DENND5B: variants seen among roughly 807,000 people sequenced by gnomAD.
DENND5B encodes the protein DENN domain-containing protein 5B.
DENND5B carries 34 observed loss-of-function variants against 140.6 expected under a neutral mutation model. The observed-to-expected ratio is 0.24, with a 90% CI of 0.18 to 0.32. The LOEUF is 0.32. Among genes scored for constraint, DENND5B ranks in the 10% least tolerant of loss-of-function variants. DENND5B has a pLI of 1.00. For missense variants in DENND5B, 1,142 were observed against 1,560.2 expected (o/e 0.73, Z 4.52); for synonymous variants, 551 against 562.1 (o/e 0.98, Z 0.28).
intron 1 of DENND5B, among the ~76,000 whole-genome samples, chr12:31,571,550 C>T (rs926464086): frequency 6.6e-6 from 1 of 151,632 alleles, no homozygotes; most frequent in Admixed American, 6.6e-5. Context: ...AAGTAAACAC[C>T]TGAATTAGAA....
chr12:31,514,822 A>AC (rs1462110855), intron 1 of DENND5B, among the ~76,000 whole-genome samples: 1 of 114,006 alleles, frequency 8.8e-6, no homozygotes, highest in African/African-American at 3.3e-5. Flanking sequence ...ACTCCGTCTC[A>AC]AAAAAAAAAA....
chr12:31,533,441 C>T (rs1801587549), intron 1 of DENND5B, among the ~76,000 whole-genome samples: 1 of 152,086 alleles, frequency 6.6e-6, no homozygotes, highest in African/African-American at 2.4e-5. Flanking sequence ...TGTCACTATC[C>T]ATACTGTTTT....
At chr12:31,571,528 T>C (rs1263182840) in intron 1 of DENND5B, among the ~76,000 whole-genome samples, 1 of 152,208 alleles carries the variant, frequency 6.6e-6, no homozygotes, top group Non-Finnish European at 1.5e-5. Context: ...GGATTTAATT[T>C]CTATCTCTCA....
intron 6 of DENND5B, among the ~76,000 whole-genome samples, chr12:31,443,538 T>C (rs1944140131): frequency 6.6e-6 from 1 of 152,192 alleles, no homozygotes; most frequent in East Asian, 1.9e-4. Context: ...TGAAACAGTT[T>C]CTCTTAAGTA....
rs527979012 is a variant in DENND5B, at chr12:31,490,393, C to A, written c.237+5417G>T. Among the ~76,000 whole-genome samples the A allele has an allele frequency of 1.3e-4, 20 of 152,208 alleles. No homozygotes were observed. The South Asian group carries it at 3.9e-3, about 30-fold the overall frequency. ...CTGAGAGGCCGAGGTGGGCAGATTG[C>A]TTGAGTCCAGGAGTTCGAGAGTAGC... On this transcript the variant is annotated intron_variant, in intron 2 of 20. Transcript: ENST00000389082.
chr12:31,591,008 G>A lies in DENND5B; in HGVS notation c.-176C>T, dbSNP rs1308306475. 2.0e-5 allele frequency: 14 copies of A among 686,754 alleles called. No individual in the cohort carries two copies. Among genetic ancestry groups the A allele is most frequent in the South Asian group, 6.5e-5 (1 of 15,338 alleles). The allele number at this position is 686,754 out of a possible 1,614,324, so 42.5% of individuals were successfully genotyped here. On this transcript the variant is annotated 5_prime_UTR_variant, in exon 1 of 21. Transcript: ENST00000389082. ...GCCTGCCTCCTCGCTCGGCGCGGGG[G>A]AAGCGGCCGCGGGCTCGCGCGCGGC...
chr12:31,387,889 T>C, intron 20 of DENND5B, 103 bp from the exon 21 acceptor site: 1 of 1,178,362 alleles, frequency 8.5e-7, no homozygotes, highest in Non-Finnish European at 1.2e-6. Flanking sequence ...GACTTGATGG[T>C]ACAAAATGTA....
intron 1 of DENND5B, among the ~76,000 whole-genome samples, chr12:31,538,082 G>A (rs528521099): frequency 1.3e-5 from 2 of 152,226 alleles, no homozygotes; most frequent in East Asian, 3.9e-4. Context: ...CCCATTTTCA[G>A]CGTTGGACAG....
At chr12:31,394,741 G>A (rs865881750) in intron 17 of DENND5B, among the ~76,000 whole-genome samples, 1 of 151,888 alleles carries the variant, frequency 6.6e-6, no homozygotes, top group South Asian at 2.1e-4. Flanking sequence ...AGCCTCCCGA[G>A]TAGCTGGGAC....
At chr12:31,570,965 C>T (rs1949803283) in intron 1 of DENND5B, among the ~76,000 whole-genome samples, 1 of 152,030 alleles carries the variant, frequency 6.6e-6, no homozygotes, top group East Asian at 1.9e-4. Context: ...CATAATAAGA[C>T]AATCAAAAGA....
At chr12:31,398,961 A>C (rs1366871449) in intron 16 of DENND5B, among the ~76,000 whole-genome samples, 1 of 151,548 alleles carries the variant, frequency 6.6e-6, no homozygotes, top group Non-Finnish European at 1.5e-5. Flanking sequence ...ATCTCTACTA[A>C]AAATACAGAA....
intron 11 of DENND5B, among the ~76,000 whole-genome samples, chr12:31,417,918 G>A (rs1247142366): frequency 6.6e-6 from 1 of 152,120 alleles, no homozygotes; most frequent in Admixed American, 6.5e-5. Flanking sequence ...ACTTTGGGGG[G>A]CTGGGATACA....
chr12:31,435,528 A>G (rs527252643), intron 7 of DENND5B, among the ~76,000 whole-genome samples: 4 of 152,270 alleles, frequency 2.6e-5, no homozygotes, highest in Non-Finnish European at 5.9e-5. Flanking sequence ...TCATGTTAAC[A>G]TCTGTTTCTT....
At chr12:31,488,935 A>G (rs1946412246) in intron 2 of DENND5B, among the ~76,000 whole-genome samples, 1 of 152,222 alleles carries the variant, frequency 6.6e-6, no homozygotes, top group African/African-American at 2.4e-5. Flanking sequence ...CAGGCTTATA[A>G]TGACAAGTGT....
chr12:31,400,892 G>A (rs1255048582), intron 15 of DENND5B, among the ~76,000 whole-genome samples: 1 of 150,088 alleles, frequency 6.7e-6, no homozygotes, highest in Admixed American at 6.7e-5. Flanking sequence ...GCCCAGGCTG[G>A]AGTGCAATGG....
chr12:31,473,359 T>C (rs944391948), intron 3 of DENND5B, among the ~76,000 whole-genome samples: 2 of 152,222 alleles, frequency 1.3e-5, no homozygotes, highest in African/African-American at 4.8e-5. Context: ...TTTATCTAAA[T>C]GTTTTATGGG....
At chr12:31,566,853 T>C (rs1949650929) in intron 1 of DENND5B, among the ~76,000 whole-genome samples, 1 of 152,172 alleles carries the variant, frequency 6.6e-6, no homozygotes, top group Non-Finnish European at 1.5e-5. Flanking sequence ...CATTTTTCTA[T>C]GGTAGTACCA....
intron 1 of DENND5B, chr12:31,499,610 A>G: frequency 6.7e-7 from 1 of 1,494,100 alleles, no homozygotes; most frequent in Non-Finnish European, 8.9e-7. Context: ...TTTTACCTGA[A>G]GTCGTATTTG....
rs139233092 is a variant in DENND5B at position 31,533,564 on chromosome 12, T to G, written c.128-37645A>C. Among the ~76,000 whole-genome samples the G allele has an allele frequency of 4.0e-3, 616 of 152,322 alleles. 5 individuals carry two copies. Among genetic ancestry groups the G allele is most frequent in the African/African-American group, 0.014 (581 of 41,586 alleles). On this transcript the variant is annotated intron_variant, in intron 1 of 20. Coordinates refer to ENST00000389082, the MANE Select transcript of DENND5B (RefSeq NM_144973.4). Reference sequence around the variant, plus strand: ...GTAAGGTTTCTATAAAACAAAGACCTTGGAAAATCAACATTTCCTGTGAAC... The same window carrying G: ...GTAAGGTTTCTATAAAACAAAGACCGTGGAAAATCAACATTTCCTGTGAAC...
Sources: gnomAD v4.1 joint callset for allele counts (sites outside exome capture counted in the v4.1 genomes callset) on GRCh38, gnomAD v4.1.1 for gene constraint, MANE v1.5 for transcripts, NCBI Gene and HGNC (gene_info 2026-07-23, HGNC 2026-07-21) for gene names.